The following CHST9 variants were observed in gnomAD, a reference collection of about 807,000 sequenced individuals.
CHST9 encodes GalNAc-4-sulfotransferase 2.
CHST9 carries 41 observed loss-of-function variants against 44.4 expected under a neutral mutation model. The ratio of observed to expected loss-of-function variants is 0.92; its 90% CI spans 0.72 to 1.20. CHST9 has a LOEUF of 1.20. Ranked by LOEUF, CHST9 falls within the 50% of genes most tolerant of loss-of-function variation. CHST9 has a pLI of 0.00. For synonymous variants in CHST9, 171 were observed against 178.4 expected, an observed-to-expected ratio of 0.96 and a Z score of 0.33; for missense variants, 504 against 516.5, an observed-to-expected ratio of 0.98 and a Z score of 0.23.
chr18:27,091,827 G>A (rs1209713844), intron 2 of CHST9, among the ~76,000 whole-genome samples: 2 of 152,176 alleles, frequency 1.3e-5, no homozygotes, highest in Non-Finnish European at 1.5e-5. Context: ...GCTTTTTGAT[G>A]TGCTGCTGGA....
intron 1 of CHST9, among the ~76,000 whole-genome samples, chr18:27,175,502 C>T (rs1482726002): frequency 6.6e-6 from 1 of 151,992 alleles, no homozygotes; most frequent in Non-Finnish European, 1.5e-5. Context: ...TGTAGCAACA[C>T]CCAAACCACA....
intron 1 of CHST9, among the ~76,000 whole-genome samples, chr18:27,162,010 A>G (rs11083199): frequency 0.79 from 120,043 of 151,280 alleles, 47,861 homozygotes; most frequent in East Asian, 0.92. Context: ...GTCTCTGCAC[A>G]TGAGATGGGT....
At chr18:27,091,290 G>T (rs1258949774) in intron 2 of CHST9, among the ~76,000 whole-genome samples, 1 of 152,132 alleles carries the variant, frequency 6.6e-6, no homozygotes, top group African/African-American at 2.4e-5. Context: ...TTTGCACATT[G>T]ATTTTGTATC....
At chr18:27,125,025 T>C (rs746384558) in intron 2 of CHST9, among the ~76,000 whole-genome samples, 8 of 152,236 alleles carry the variant, frequency 5.3e-5, no homozygotes, top group African/African-American at 7.2e-5. Context: ...GGTTTATTCC[T>C]GTTACTAGAC....
intron 4 of CHST9, among the ~76,000 whole-genome samples, chr18:27,013,471 A>G (rs2057109307): frequency 1.3e-5 from 2 of 152,248 alleles, no homozygotes; most frequent in Non-Finnish European, 2.9e-5. Context: ...AGAAAGCCAA[A>G]GCTTGAGCCC....
At position 26,988,634 on chromosome 18, in the gene CHST9, G is replaced by T. The variant is rs575689723; in HGVS notation, c.202+35482C>A. ...AATACCTCTCTTCCAATAAAGAATAGAATAGACAGATACTCATCAAGGCTA... is the reference window on the plus strand; with the variant it reads ...AATACCTCTCTTCCAATAAAGAATATAATAGACAGATACTCATCAAGGCTA... On this transcript the variant is annotated intron_variant, in intron 4 of 5. Transcript: ENST00000618847. Among the ~76,000 whole-genome samples, 8 of 152,074 alleles carry T rather than the reference G, an allele frequency of 5.3e-5. No homozygotes were observed. In the South Asian group the frequency reaches 1.7e-3, roughly 32 times the overall value.
chr18:27,177,540 CGTTT>C (rs2058878095), intron 1 of CHST9, among the ~76,000 whole-genome samples: 1 of 151,834 alleles, frequency 6.6e-6, no homozygotes, highest in Admixed American at 6.6e-5. Context: ...AAGTAAGTAT[CGTTT>C]CTTCATTTGA....
chr18:27,142,872 C>A lies in CHST9; in HGVS notation c.-63G>T. 2 of 1,521,438 alleles carry A rather than the reference C, an allele frequency of 1.3e-6. No homozygotes were observed. Among genetic ancestry groups the A allele is most frequent in the Non-Finnish European group, 1.8e-6 (2 of 1,128,948 alleles). The allele number at this position is 1,521,438 out of a possible 1,614,324, so 94.2% of individuals were successfully genotyped here. On this transcript the variant is annotated 5_prime_UTR_variant, in exon 2 of 6. Coordinates refer to ENST00000618847, the MANE Select transcript of CHST9 (RefSeq NM_031422.6). ...TTTTCCCGTAAAACTTCAGTCTTTT[C>A]TTGTTCTCTAAGAGCCCAATTCCAT...
At chr18:27,159,561 C>G (rs918323849) in intron 1 of CHST9, among the ~76,000 whole-genome samples, 1 of 152,116 alleles carries the variant, frequency 6.6e-6, no homozygotes, top group Non-Finnish European at 1.5e-5. Context: ...CAGCTTTGTT[C>G]TTTTGGCTTA....
intron 1 of CHST9, among the ~76,000 whole-genome samples, chr18:27,178,040 CA>C (rs2058882293): frequency 6.6e-6 from 1 of 151,910 alleles, no homozygotes; most frequent in Admixed American, 6.6e-5. Flanking sequence ...GAAATTGTAA[CA>C]AAAGTAGACC....
chr18:26,963,909 A>G lies in CHST9; in HGVS notation c.203-19543T>C, dbSNP rs541993948. ...AGGTCACATAGTAAGTGCTCAATAA[A>G]TATAGTCACTACTGTTATATGCATT... is the stretch of plus-strand genomic sequence containing the variant. On this transcript the variant is annotated intron_variant, in intron 4 of 5. Transcript: ENST00000618847. 2.0e-4 allele frequency among the ~76,000 whole-genome samples: 31 copies of G among 152,354 alleles called. 1 individual carries two copies. The highest frequency in any genetic ancestry group is 1.9e-3 in the Admixed American group (29 of 15,308).
At chr18:27,129,049 T>C (rs116226028) in intron 2 of CHST9, among the ~76,000 whole-genome samples, 1,601 of 152,234 alleles carry the variant, frequency 0.011, 24 homozygotes, top group African/African-American at 0.033. Context: ...CCAGGCAGAA[T>C]CATGCAGTAA....
chr18:26,928,824 C>T (rs1330728445), intron 5 of CHST9, among the ~76,000 whole-genome samples: 1 of 152,140 alleles, frequency 6.6e-6, no homozygotes, highest in Admixed American at 6.5e-5. Context: ...TGGACTCACT[C>T]AGGCAGAGTC....
Position 27,103,586 on chromosome 18 carries a change from G to A in CHST9, c.121+39103C>T, listed in dbSNP as rs565042388. ...TGACCGCAAGAGTATGCGATCAAAT[G>A]AGGGGCTTTTAAGGGGAGTTTACCA... On this transcript the variant is annotated intron_variant, in intron 2 of 5. Coordinates refer to ENST00000618847, the MANE Select transcript of CHST9 (RefSeq NM_031422.6). Among the ~76,000 whole-genome samples, 6 of 152,346 alleles carry A rather than the reference G, an allele frequency of 3.9e-5. No homozygotes were observed. The South Asian group carries it at 8.3e-4, about 21-fold the overall frequency.
chr18:27,041,975 A>T (rs2057450564), intron 3 of CHST9, among the ~76,000 whole-genome samples: 1 of 152,110 alleles, frequency 6.6e-6, no homozygotes, highest in Non-Finnish European at 1.5e-5. Context: ...GGTTGCTTTT[A>T]AAAATAGACT....
Position 27,014,453 on chromosome 18 carries a change from CAAAAAAAAAAAAAAAAAAAAA to C in CHST9, c.202+9642_202+9662del, listed in dbSNP as rs57437876. On this transcript the variant is annotated intron_variant, in intron 4 of 5. Transcript: ENST00000618847. ...TGGGCGACAGAGCGAGACTCTGTCT[CAAAAAAAAAAAAAAAAAAAAA>C]AAAAAAAAAAAAAAAAAAAGAATTA... Among the ~76,000 whole-genome samples the C allele has an allele frequency of 9.4e-4, 37 of 39,438 alleles. No individual in the cohort carries two copies. The South Asian group carries it at 0.024, about 26-fold the overall frequency. The allele number at this position is 39,438 out of a possible 152,430, so 25.9% of individuals were successfully genotyped here. A position where few individuals can be genotyped will look rare whatever the true frequency, so the allele number is the denominator to read the frequency against.
chr18:27,109,789 G>C (rs114444066), intron 2 of CHST9, among the ~76,000 whole-genome samples: 2,216 of 151,994 alleles, frequency 0.015, 55 homozygotes, highest in African/African-American at 0.05. Context: ...TAACCTCAAG[G>C]CTGTGCCCCA....
intron 2 of CHST9, among the ~76,000 whole-genome samples, chr18:27,064,047 A>T (rs186331859): frequency 2.8e-4 from 43 of 152,266 alleles, no homozygotes; most frequent in Admixed American, 2.2e-3. Context: ...TATGGGCTAT[A>T]TACAGAGACT....
chr18:27,132,745 A>C (rs1308920339), intron 2 of CHST9, among the ~76,000 whole-genome samples: 1 of 152,182 alleles, frequency 6.6e-6, no homozygotes, highest in African/African-American at 2.4e-5. Context: ...TCTGAGACAG[A>C]TGAGTGCTCA....
Sources: gnomAD v4.1 joint callset for allele counts (sites outside exome capture counted in the v4.1 genomes callset) on GRCh38, gnomAD v4.1.1 for gene constraint, MANE v1.5 for transcripts, NCBI Gene and HGNC (gene_info 2026-07-23, HGNC 2026-07-21) for gene names.